The following GUCY2F variants were observed in gnomAD, a reference collection of about 807,000 sequenced individuals.
The protein encoded by GUCY2F is retinal guanylyl cyclase 2.
Under a neutral mutation model 73.1 loss-of-function variants are expected in GUCY2F, and 61 were observed. The ratio of observed to expected loss-of-function variants is 0.83; its 90% CI spans 0.68 to 1.03. The LOEUF (loss-of-function observed/expected upper bound fraction) is 1.03, where lower values mean the gene tolerates loss of function less well. Ranked by LOEUF, GUCY2F falls within the 50% of genes least tolerant of loss-of-function variation. The pLI, the probability that GUCY2F is intolerant of heterozygous loss-of-function variation, is 0.00. For missense variants in GUCY2F, 912 were observed against 854.3 expected (o/e 1.07, Z -0.84); for synonymous variants, 331 against 307.8 (o/e 1.08, Z -0.79).
rs371953858 is a variant in GUCY2F, at chrX:109,430,238, C to G, written c.1791+69G>C. The G allele has an allele frequency of 8.9e-5, 56 of 632,609 alleles. No individual in the cohort carries two copies. The South Asian group carries it at 9.8e-4, about 11-fold the overall frequency. The allele number at this position is 632,609 out of a possible 1,213,427, so 52.1% of individuals were successfully genotyped here. A position where few individuals can be genotyped will look rare whatever the true frequency, so the allele number is the denominator to read the frequency against. The stretch of plus-strand genomic sequence containing the variant: ...TGTTAAGGGGTCTTCCTAAACAGCT[C>G]TGATGTTAGTTACTTTGGAGAACAG... On this transcript the variant is annotated intron_variant, in intron 8 of 19. Transcript: ENST00000218006.
chrX:109,471,782 T>C (rs1003473738), intron 2 of GUCY2F, among the ~76,000 whole-genome samples: 1 of 112,324 alleles, frequency 8.9e-6, no homozygotes, highest in African/African-American at 3.2e-5. Flanking sequence ...CTTACACATA[T>C]GTACTTATTA....
At chrX:109,469,506 A>T (rs1396603140) in intron 2 of GUCY2F, among the ~76,000 whole-genome samples, 3 of 109,709 alleles carry the variant, frequency 2.7e-5, no homozygotes, top group Non-Finnish European at 5.7e-5. Context: ...CCATATTCAT[A>T]TTTGTGAGCC....
chrX:109,425,405 G>T (rs1684700184), intron 8 of GUCY2F, among the ~76,000 whole-genome samples: 1 of 106,906 alleles, frequency 9.4e-6, no homozygotes, highest in African/African-American at 3.4e-5. Flanking sequence ...TATATTATAT[G>T]TGTGTACATA....
At chrX:109,375,765 G>A in intron 19 of GUCY2F, 133 bp downstream of exon 19, 1 of 526,248 alleles carries the variant, frequency 1.9e-6, no homozygotes, top group Non-Finnish European at 3.4e-6. Context: ...CATTTTATTA[G>A]AGCTTGGAAA....
chrX:109,401,725 G>C (rs1234471920), intron 10 of GUCY2F, among the ~76,000 whole-genome samples: 4 of 110,675 alleles, frequency 3.6e-5, no homozygotes, highest in Admixed American at 9.6e-5. Flanking sequence ...ATTATAAAGA[G>C]GGCAACCTAG....
intron 2 of GUCY2F, among the ~76,000 whole-genome samples, chrX:109,467,246 C>G (rs1932486667): frequency 8.9e-6 from 1 of 112,155 alleles, no homozygotes; most frequent in African/African-American, 3.2e-5. Flanking sequence ...CTACATTTGG[C>G]TGAACCATTA....
intron 17 of GUCY2F, among the ~76,000 whole-genome samples, chrX:109,380,481 C>T (rs62595658): frequency 0.11 from 11,757 of 105,528 alleles, 616 homozygotes; most frequent in Non-Finnish European, 0.16. Context: ...GGCCTTACTT[C>T]CTCTCCTCTT....
At chrX:109,416,263 G>A (rs1477378566) in intron 8 of GUCY2F, among the ~76,000 whole-genome samples, 1 of 111,140 alleles carries the variant, frequency 9.0e-6, no homozygotes, top group African/African-American at 3.3e-5. Flanking sequence ...AGCAGAAAAG[G>A]CCTTTAACAC....
At chrX:109,415,833 A>G (rs1569362577) in intron 8 of GUCY2F, among the ~76,000 whole-genome samples, 1 of 112,338 alleles carries the variant, frequency 8.9e-6, no homozygotes, top group Non-Finnish European at 1.9e-5. Flanking sequence ...ATTTATTTAC[A>G]TAAAATATCT....
intron 10 of GUCY2F, among the ~76,000 whole-genome samples, chrX:109,400,808 G>A (rs770861853): frequency 6.3e-5 from 7 of 111,986 alleles, no homozygotes; most frequent in South Asian, 7.4e-4. Flanking sequence ...CAAATCAAAC[G>A]GAAAACAATG....
At chrX:109,461,661 A>G (rs746691324) in intron 3 of GUCY2F, among the ~76,000 whole-genome samples, 14 of 112,132 alleles carry the variant, frequency 1.2e-4, no homozygotes, top group Non-Finnish European at 2.4e-4. Context: ...AAAAACTCTT[A>G]TTTGTAGCAT....
At chrX:109,451,114 G>T (rs1356942073) in intron 5 of GUCY2F, among the ~76,000 whole-genome samples, 2 of 111,843 alleles carry the variant, frequency 1.8e-5, no homozygotes, top group Non-Finnish European at 3.8e-5. Context: ...ATGGGAAAAT[G>T]GGATGGTTAT....
At chrX:109,435,622 CT>C (rs1931724100) in intron 7 of GUCY2F, among the ~76,000 whole-genome samples, 1 of 109,092 alleles carries the variant, frequency 9.2e-6, no homozygotes, top group African/African-American at 3.4e-5. Flanking sequence ...CCTTTATTTC[CT>C]TCTCCTGCCT....
intron 1 of GUCY2F, 69 bp from the exon 2 acceptor site, chrX:109,476,090 A>T: frequency 2.2e-6 from 1 of 446,428 alleles, no homozygotes; most frequent in Non-Finnish European, 3.4e-6. Context: ...TCGGTTGTGA[A>T]AGAATGGCAA....
At chrX:109,391,033 G>T (rs763669941) in intron 14 of GUCY2F, among the ~76,000 whole-genome samples, 22 of 112,373 alleles carry the variant, frequency 2.0e-4, no homozygotes, top group African/African-American at 7.1e-4. Context: ...GCTCTACTTT[G>T]GTCCTGGGAC....
chrX:109,480,286 A>AAATG (rs1016271303), intron 1 of GUCY2F, among the ~76,000 whole-genome samples: 2 of 111,884 alleles, frequency 1.8e-5, no homozygotes, highest in Admixed American at 1.9e-4. Context: ...ACTAATATGT[A>AAATG]AATGAATGAT....
chrX:109,456,351 AACACAC>A (rs751977498), intron 3 of GUCY2F, among the ~76,000 whole-genome samples: 7 of 110,814 alleles, frequency 6.3e-5, no homozygotes, highest in African/African-American at 2.3e-4. Context: ...AATAAGTGAA[AACACAC>A]ACACACACAC....
intron 7 of GUCY2F, 49 bp downstream of exon 7, chrX:109,441,301 AT>A (rs1276419332): frequency 1.2e-6 from 1 of 859,779 alleles, no homozygotes. Context: ...TCATTGCCTC[AT>A]TTTGAAATCC....
chrX:109,473,852 T>C (rs1042851411), intron 2 of GUCY2F, among the ~76,000 whole-genome samples: 4 of 112,443 alleles, frequency 3.6e-5, no homozygotes, highest in Non-Finnish European at 7.5e-5. Flanking sequence ...TGTAACCTAT[T>C]ATAAAGTTAT....
Sources: allele counts gnomAD v4.1 joint callset (sites outside exome capture counted in the v4.1 genomes callset), GRCh38; gene constraint gnomAD v4.1.1; transcripts MANE v1.5; gene names NCBI Gene and HGNC (gene_info 2026-07-23, HGNC 2026-07-21).